The following CHLSN variants were observed in gnomAD, a reference collection of about 807,000 sequenced individuals.
The protein encoded by CHLSN is cholesin.
At chr7:1,063,927 A>G in the CHLSN span, among the ~76,000 whole-genome samples, 1 of 152,318 alleles carries the variant, frequency 6.6e-6, no homozygotes, top group East Asian at 1.9e-4. Flanking sequence ...GAGCTCCGCA[A>G]GTCCCCACCT....
At chr7:1,051,474 G>C in the CHLSN span, among the ~76,000 whole-genome samples, 1 of 152,230 alleles carries the variant, frequency 6.6e-6, no homozygotes. Flanking sequence ...CCTGGGCTCT[G>C]ACACTCTCCC....
At chr7:1,079,702 A>G in the CHLSN span, among the ~76,000 whole-genome samples, 1 of 152,094 alleles carries the variant, frequency 6.6e-6, no homozygotes, top group East Asian at 1.9e-4. Flanking sequence ...GGGGGCTGGG[A>G]GGGCTCAGGG....
At chr7:1,021,611 C>T in the CHLSN span, 6 of 976,932 alleles carry the variant, frequency 6.1e-6, no homozygotes, top group African/African-American at 1.8e-5. Context: ...GGGAGAGGGA[C>T]AATCTGCCAG....
At chr7:1,042,418 C>T in the CHLSN span, among the ~76,000 whole-genome samples, 1 of 152,190 alleles carries the variant, frequency 6.6e-6, no homozygotes, top group Non-Finnish European at 1.5e-5. Context: ...GCCCACCCTT[C>T]CCCCCACCAA....
At chr7:1,093,497 G>T in the CHLSN span, 1 of 470,418 alleles carries the variant, frequency 2.1e-6, no homozygotes. Flanking sequence ...GAGCAGCAGC[G>T]CTCGGCCCGG....
chr7:1,059,804 T>A, the CHLSN span, among the ~76,000 whole-genome samples: 1 of 62,958 alleles, frequency 1.6e-5, no homozygotes. Context: ...GGCAGGCCCG[T>A]AGTGGGGCGG....
chr7:1,089,624 T>C, the CHLSN span, among the ~76,000 whole-genome samples: 1 of 151,990 alleles, frequency 6.6e-6, no homozygotes, highest in Admixed American at 6.6e-5. Flanking sequence ...GGTTTCGCCA[T>C]GTTACCCAGG....
the CHLSN span, chr7:1,093,345 T>C: frequency 4.7e-6 from 2 of 424,140 alleles, no homozygotes; most frequent in Non-Finnish European, 1.0e-5. Context: ...CGGTGTGTCC[T>C]CTGTGCCCAC....
At chr7:986,571 C>G in the CHLSN span, 2 of 1,584,224 alleles carry the variant, frequency 1.3e-6, no homozygotes, top group Admixed American at 1.7e-5. Context: ...GCCTGCCCAG[C>G]GTGCAGCCCT....
the CHLSN span, among the ~76,000 whole-genome samples, chr7:990,539 A>T: frequency 6.6e-6 from 1 of 151,900 alleles, no homozygotes; most frequent in Non-Finnish European, 1.5e-5. Context: ...CCCCAAGGCC[A>T]GGACGTGGTG....
chr7:1,026,580 C>T, the CHLSN span: 1 of 152,276 alleles, frequency 6.6e-6, no homozygotes, highest in Non-Finnish European at 1.5e-5. Context: ...ACAAAGCCTG[C>T]TTCTCAACCA....
chr7:994,910 C>A, the CHLSN span, among the ~76,000 whole-genome samples: 1 of 152,258 alleles, frequency 6.6e-6, no homozygotes, highest in Non-Finnish European at 1.5e-5. Flanking sequence ...AAGTTTGGCC[C>A]CTCACTTGGC....
the CHLSN span, chr7:1,055,510 GGA>G: frequency 2.2e-6 from 1 of 452,144 alleles, no homozygotes; most frequent in Non-Finnish European, 4.4e-6. Flanking sequence ...CCCGCAGGTG[GGA>G]GAGGGGACGT....
At chr7:992,746 C>T in the CHLSN span, among the ~76,000 whole-genome samples, 1 of 152,220 alleles carries the variant, frequency 6.6e-6, no homozygotes. Flanking sequence ...ACCTTGGATG[C>T]TGAGGGGGAA....
At chr7:1,004,958 G>T in the CHLSN span, among the ~76,000 whole-genome samples, 1 of 152,180 alleles carries the variant, frequency 6.6e-6, no homozygotes, top group Non-Finnish European at 1.5e-5. Flanking sequence ...CTCACCAGCT[G>T]GGTGGAGAAC....
chr7:989,005 A>G, the CHLSN span: 3 of 520,826 alleles, frequency 5.8e-6, no homozygotes, highest in African/African-American at 5.9e-5. Context: ...CCCCTGCCCG[A>G]CCCTGTGGGA....
the CHLSN span, among the ~76,000 whole-genome samples, chr7:1,108,576 A>T: frequency 6.6e-6 from 1 of 152,178 alleles, no homozygotes; most frequent in Non-Finnish European, 1.5e-5. Flanking sequence ...TTCTGTGCGG[A>T]TGGCTTTCTA....
the CHLSN span, among the ~76,000 whole-genome samples, chr7:1,089,311 T>C: frequency 1.3e-5 from 2 of 152,230 alleles, no homozygotes; most frequent in Non-Finnish European, 2.9e-5. Context: ...GGTTATTCAG[T>C]ACTTTTAGAA....
chr7:1,096,500 C>A, the CHLSN span, among the ~76,000 whole-genome samples: 2 of 152,218 alleles, frequency 1.3e-5, no homozygotes, highest in South Asian at 4.1e-4. The surrounding 1 kb of genome is among the most constrained non-coding windows in gnomAD (Gnocchi z 4.6). Flanking sequence ...GTGGGTGCCG[C>A]CGGCGCAGCC....
Sources: allele counts gnomAD v4.1 joint callset (sites outside exome capture counted in the v4.1 genomes callset), GRCh38; gene constraint gnomAD v4.1.1; non-coding constraint Gnocchi (gnomAD v3.1); transcripts MANE v1.5; gene names NCBI Gene and HGNC (gene_info 2026-07-23, HGNC 2026-07-21).